The following GALNTL6 variants were observed in gnomAD, a reference collection of about 807,000 sequenced individuals.
The protein encoded by GALNTL6 is polypeptide N-acetylgalactosaminyltransferase-like 6.
Under a neutral mutation model 73.7 loss-of-function variants are expected in GALNTL6, and 46 were observed. That is an observed-to-expected ratio of 0.62 (90% CI 0.49 to 0.80). The LOEUF is 0.80. Ranked by LOEUF, GALNTL6 falls within the 30% of genes least tolerant of loss-of-function variation. GALNTL6 has a pLI of 0.00. For synonymous variants in GALNTL6, 259 were observed against 263.7 expected (o/e 0.98, Z 0.17); for missense variants, 604 against 755.0 (o/e 0.80, Z 2.34).
At chr4:172,887,020 T>G (rs1745758679) in intron 8 of GALNTL6, among the ~76,000 whole-genome samples, 1 of 152,150 alleles carries the variant, frequency 6.6e-6, no homozygotes, top group South Asian at 2.1e-4. Flanking sequence ...TGACTTTTGT[T>G]GTCATATTTA....
Position 171,965,657 on chromosome 4 carries a change from G to GGAA in GALNTL6, c.138+150939_138+150940insGAA, listed in dbSNP as rs1553976365. Among the ~76,000 whole-genome samples the GGAA allele has an allele frequency of 1.2e-4, 12 of 100,348 alleles. 1 individual carries two copies. The highest frequency in any genetic ancestry group is 9.1e-4 in the East Asian group (3 of 3,288). 65.8% of individuals were successfully genotyped at this position (100,348 alleles called of 152,430 possible). On this transcript the variant is annotated intron_variant, in intron 2 of 12. Transcript: ENST00000506823. ...GGCGACAGAGCGAGACTCCGTCTCA[G>GGAA]AAAAAAAAAAAAAAAGAAGAAGAAG... is the stretch of plus-strand genomic sequence containing the variant.
chr4:172,022,544 G>A (rs17057883), intron 2 of GALNTL6, among the ~76,000 whole-genome samples: 18,525 of 151,932 alleles, frequency 0.12, 2,853 homozygotes, highest in African/African-American at 0.36. Context: ...CATTCCACCA[G>A]TTCTTTGTCT....
At chr4:172,327,504 C>A (rs1740982575) in intron 4 of GALNTL6, among the ~76,000 whole-genome samples, 1 of 151,990 alleles carries the variant, frequency 6.6e-6, no homozygotes, top group Admixed American at 6.6e-5. Flanking sequence ...TTGAAGTCTC[C>A]CAGTGTTATT....
chr4:172,116,872 T>C (rs1243701754), intron 2 of GALNTL6, among the ~76,000 whole-genome samples: 1 of 152,178 alleles, frequency 6.6e-6, no homozygotes, highest in Non-Finnish European at 1.5e-5. Context: ...TGTCTTATTT[T>C]GCTGAAATAA....
chr4:171,836,904 A>G (rs1735108601), intron 2 of GALNTL6, among the ~76,000 whole-genome samples: 4 of 152,148 alleles, frequency 2.6e-5, no homozygotes, highest in Admixed American at 2.6e-4. Context: ...AATGAACCCT[A>G]AGGTATTAGA....
intron 5 of GALNTL6, among the ~76,000 whole-genome samples, chr4:172,482,657 ACTTTT>A (rs1254677868): frequency 5.3e-5 from 8 of 152,234 alleles, no homozygotes; most frequent in African/African-American, 1.4e-4. Context: ...TTTAGGATTA[ACTTTT>A]CTTTTCAGTT....
At chr4:171,857,151 A>G (rs957114684) in intron 2 of GALNTL6, among the ~76,000 whole-genome samples, 1 of 152,210 alleles carries the variant, frequency 6.6e-6, no homozygotes, top group African/African-American at 2.4e-5. Flanking sequence ...ATTCATGTAC[A>G]TGTAAGCATG....
chr4:171,887,840 G>T (rs1736646232), intron 2 of GALNTL6, among the ~76,000 whole-genome samples: 1 of 151,816 alleles, frequency 6.6e-6, no homozygotes, highest in African/African-American at 2.4e-5. Flanking sequence ...TCCCACTAGG[G>T]TTTTTCTCAT....
At position 172,813,509 on chromosome 4, in the gene GALNTL6, T is replaced by C. The variant is rs1290847330; in HGVS notation, c.740-31T>C. The C allele has an allele frequency of 5.1e-6, 8 of 1,564,496 alleles. No homozygotes were observed. In the Admixed American group the frequency reaches 1.4e-4, roughly 26 times the overall value. ...ATGATAGATGACCTAGGCAGGCATG[T>C]CATTTCCTATTTTGTGCTTTCATTT... On this transcript the variant is annotated intron_variant, in intron 6 of 12. Coordinates refer to ENST00000506823, the MANE Select transcript of GALNTL6 (RefSeq NM_001034845.3).
chr4:172,570,409 C>A (rs1408732458), intron 5 of GALNTL6, among the ~76,000 whole-genome samples: 1 of 152,110 alleles, frequency 6.6e-6, no homozygotes, highest in Non-Finnish European at 1.5e-5. Flanking sequence ...GATTGTGTTC[C>A]TCAAAATGCA....
At chr4:172,391,379 G>T in intron 5 of GALNTL6, among the ~76,000 whole-genome samples, 1 of 152,054 alleles carries the variant, frequency 6.6e-6, no homozygotes. Flanking sequence ...TTGCTCTGTT[G>T]CCCAGAGCTG....
intron 5 of GALNTL6, among the ~76,000 whole-genome samples, chr4:172,715,415 C>T (rs1428000813): frequency 6.6e-6 from 1 of 152,158 alleles, no homozygotes; most frequent in Non-Finnish European, 1.5e-5. Context: ...TAAAAGAGTG[C>T]AGGTTCTGCA....
intron 7 of GALNTL6, among the ~76,000 whole-genome samples, chr4:172,878,602 T>A (rs957638943): frequency 6.6e-6 from 1 of 151,708 alleles, no homozygotes; most frequent in Non-Finnish European, 1.5e-5. Context: ...ACCATTATGA[T>A]AACAAAGAAA....
intron 2 of GALNTL6, among the ~76,000 whole-genome samples, chr4:172,080,891 C>T (rs767737221): frequency 6.6e-6 from 1 of 151,792 alleles, no homozygotes. Context: ...TCTTGTTGCA[C>T]ACTCTTCATC....
At chr4:172,557,281 T>G (rs1265892768) in intron 5 of GALNTL6, among the ~76,000 whole-genome samples, 1 of 152,136 alleles carries the variant, frequency 6.6e-6, no homozygotes, top group Admixed American at 6.6e-5. Context: ...AGTTTCCTCA[T>G]ACATTAAAAC....
At chr4:172,826,359 C>T (rs1421011104) in intron 7 of GALNTL6, among the ~76,000 whole-genome samples, 1 of 152,220 alleles carries the variant, frequency 6.6e-6, no homozygotes, top group East Asian at 1.9e-4. Context: ...CAGCCCACAC[C>T]TTCCCTTCCT....
At chr4:172,062,307 G>A (rs936590380) in intron 2 of GALNTL6, among the ~76,000 whole-genome samples, 1 of 152,074 alleles carries the variant, frequency 6.6e-6, no homozygotes, top group Non-Finnish European at 1.5e-5. Flanking sequence ...TGTGTTTAAT[G>A]TCACACGGCC....
At chr4:172,782,589 A>G (rs1267674963) in intron 5 of GALNTL6, among the ~76,000 whole-genome samples, 1 of 152,066 alleles carries the variant, frequency 6.6e-6, no homozygotes, top group African/African-American at 2.4e-5. Context: ...TGTTGAATCT[A>G]TCTCCCCCAA....
intron 2 of GALNTL6, among the ~76,000 whole-genome samples, chr4:172,134,271 G>C (rs1426119290): frequency 6.6e-6 from 1 of 151,954 alleles, no homozygotes; most frequent in Non-Finnish European, 1.5e-5. Flanking sequence ...TGTAGTCCCA[G>C]CTACTCGGGA....
Sources: gnomAD v4.1 joint callset for allele counts (sites outside exome capture counted in the v4.1 genomes callset) on GRCh38, gnomAD v4.1.1 for gene constraint, MANE v1.5 for transcripts, NCBI Gene and HGNC (gene_info 2026-07-23, HGNC 2026-07-21) for gene names.